The following ATP5PB variants were observed in gnomAD, a reference collection of about 807,000 sequenced individuals.
ATP5PB encodes the protein ATP synthase peripheral stalk subunit b, mitochondrial.
ATP5PB carries 21 observed loss-of-function variants against 34.5 expected under a neutral mutation model. The observed-to-expected ratio is 0.61, with a 90% CI of 0.43 to 0.88. The LOEUF is 0.88. Among genes scored for constraint, ATP5PB ranks in the 40% least tolerant of loss-of-function variants. ATP5PB has a pLI of 0.00. For missense variants in ATP5PB, 293 were observed against 317.4 expected (o/e 0.92, Z 0.58); for synonymous variants, 108 against 114.1 (o/e 0.95, Z 0.34).
At chr1:111,449,748 T>C in intron 1 of ATP5PB, 89 bp from the exon 2 acceptor site, 2 of 1,594,688 alleles carry the variant, frequency 1.3e-6, no homozygotes, top group African/African-American at 2.7e-5. Context: ...GAGGGGTACA[T>C]AGGCTTAGTG....
Position 111,456,736 on chromosome 1 carries a change from A to G in ATP5PB, c.494A>G (p.Tyr165Cys). The G allele has an allele frequency of 6.2e-7, 1 of 1,610,976 alleles. No homozygotes were observed. Among genetic ancestry groups the G allele is most frequent in the Non-Finnish European group, 8.5e-7 (1 of 1,178,854 alleles). The change falls in exon 5 of 7, where the codon TAC becomes TGC. Residue 165 changes from tyrosine to cysteine, a missense_variant. Coordinates refer to ENST00000369722, the MANE Select transcript of ATP5PB (RefSeq NM_001688.5). The part of the protein sequence containing the change: ...SQQALVQKRH[Y>C]LFDVQRNNIA... ...CAGGCACTGGTTCAGAAGCGCCATT[A>G]CCTTTTTGATGTGCAAAGGGTAGGT...
At chr1:111,457,030 T>G (rs1392061299) in intron 5 of ATP5PB, among the ~76,000 whole-genome samples, 1 of 126,896 alleles carries the variant, frequency 7.9e-6, no homozygotes, top group East Asian at 2.3e-4. Context: ...TAAAGCTGAT[T>G]TAAAAATGGC....
intron 2 of ATP5PB, among the ~76,000 whole-genome samples, chr1:111,450,941 C>T (rs1488696644): frequency 6.6e-6 from 1 of 152,224 alleles, no homozygotes; most frequent in African/African-American, 2.4e-5. Flanking sequence ...ATGTCCAGTA[C>T]CTCAGCAAGG....
At position 111,460,938 on chromosome 1, in the gene ATP5PB, T is replaced by G. The variant is rs769241043; in HGVS notation, c.715T>G (p.Cys239Gly). The G allele has an allele frequency of 7.4e-6, 12 of 1,613,362 alleles. No homozygotes were observed. Residue 239 changes from cysteine to glycine, a missense_variant, in exon 7 of 7, where the codon TGC (cysteine) becomes GGC (glycine). By Grantham distance (159) the Cys-to-Gly change is radical (BLOSUM62 -3). Coordinates refer to ENST00000369722, the MANE Select transcript of ATP5PB (RefSeq NM_001688.5). ...ACAGGAAAAGGAGACAATTGCCAAG[T>G]GCATTGCGGACCTAAAGCTGCTGGC... Reference protein sequence around the residue: ...TQQEKETIAKCIADLKLLAKK... With the variant: ...TQQEKETIAKGIADLKLLAKK...
intron 5 of ATP5PB, among the ~76,000 whole-genome samples, chr1:111,457,167 G>T (rs1258616358): frequency 6.6e-6 from 1 of 152,136 alleles, no homozygotes; most frequent in Non-Finnish European, 1.5e-5. Context: ...CACAAAGCAG[G>T]CAGGGCACAG....
chr1:111,460,484 C>A (rs1207745220), intron 6 of ATP5PB, among the ~76,000 whole-genome samples: 3 of 146,892 alleles, frequency 2.0e-5, no homozygotes, highest in Admixed American at 6.8e-5. Context: ...AATATATATG[C>A]TTACTTAAGA....
At chr1:111,458,039 T>G (rs1571378054) in intron 5 of ATP5PB, among the ~76,000 whole-genome samples, 1 of 152,234 alleles carries the variant, frequency 6.6e-6, no homozygotes, top group South Asian at 2.1e-4. Context: ...TCTTCCTGTG[T>G]AGATATTCTG....
Position 111,449,524 on chromosome 1 carries a change from C to G in ATP5PB, c.-18C>G. On this transcript the variant is annotated 5_prime_UTR_variant, in exon 1 of 7. Transcript: ENST00000369722. ...GGTCACAGGGACGCTAAGATTGCTACCTGGACTTTCGTTGACCATGCTGTC... is the reference window on the plus strand; with the variant it reads ...GGTCACAGGGACGCTAAGATTGCTAGCTGGACTTTCGTTGACCATGCTGTC... 3 of 1,614,032 alleles carry G rather than the reference C, an allele frequency of 1.9e-6. No individual in the cohort carries two copies. The highest frequency in any genetic ancestry group is 2.2e-5 in the East Asian group (1 of 44,876).
chr1:111,457,125 G>A (rs542341823), intron 5 of ATP5PB, among the ~76,000 whole-genome samples: 1 of 152,268 alleles, frequency 6.6e-6, no homozygotes, highest in South Asian at 2.1e-4. Flanking sequence ...CATCTTTGCT[G>A]TAAGGAAATC....
chr1:111,460,629 A>G (rs1653594503), intron 6 of ATP5PB, among the ~76,000 whole-genome samples: 1 of 152,218 alleles, frequency 6.6e-6, no homozygotes, highest in Non-Finnish European at 1.5e-5. Flanking sequence ...CATCAGTGGC[A>G]GATGGTTACA....
chr1:111,451,400 C>A (rs1265176949), intron 2 of ATP5PB, among the ~76,000 whole-genome samples: 1 of 152,188 alleles, frequency 6.6e-6, no homozygotes, highest in Non-Finnish European at 1.5e-5. Flanking sequence ...TTGTTGCTCC[C>A]TATCCGCTTA....
In ATP5PB at chr1:111,449,474, C is replaced by A; in HGVS notation, c.-68C>A. 1 of 1,614,194 alleles carries A rather than the reference C, an allele frequency of 6.2e-7. No individual in the cohort carries two copies. Among genetic ancestry groups the A allele is most frequent in the Non-Finnish European group, 8.5e-7 (1 of 1,180,030 alleles). On this transcript the variant is annotated 5_prime_UTR_variant, in exon 1 of 7. It adds an upstream start codon to the 5' untranslated region. Coordinates refer to ENST00000369722, the MANE Select transcript of ATP5PB (RefSeq NM_001688.5). ...AGACTTGTGAGCGGCCATCTTGGTCCTGCCCTGACAGATTCTCCTATCGGG... is the reference window on the plus strand; with the variant it reads ...AGACTTGTGAGCGGCCATCTTGGTCATGCCCTGACAGATTCTCCTATCGGG...
Position 111,461,087 on chromosome 1 carries a change from T to G in ATP5PB, c.*93T>G. The G allele has an allele frequency of 8.4e-7, 1 of 1,197,586 alleles. No homozygotes were observed. Among genetic ancestry groups the G allele is most frequent in the African/African-American group, 1.5e-5 (1 of 65,754 alleles). The allele number at this position is 1,197,586 out of a possible 1,614,324, so 74.2% of individuals were successfully genotyped here. On this transcript the variant is annotated 3_prime_UTR_variant, in exon 7 of 7. Coordinates refer to ENST00000369722, the MANE Select transcript of ATP5PB (RefSeq NM_001688.5). ...AAAGTCTTTCTGTGTTGGTGTCTACTGAAGTTATAGTTTACCCTTCCTAAA... is the reference window on the plus strand; with the variant it reads ...AAAGTCTTTCTGTGTTGGTGTCTACGGAAGTTATAGTTTACCCTTCCTAAA...
intron 2 of ATP5PB, among the ~76,000 whole-genome samples, chr1:111,450,612 G>A (rs151060134): frequency 0.012 from 1,777 of 152,286 alleles, 16 homozygotes; most frequent in Non-Finnish European, 0.018. Flanking sequence ...CGTGTGCTTA[G>A]TAAATTTAGC....
At chr1:111,458,614 T>C (rs370283817) in intron 5 of ATP5PB, among the ~76,000 whole-genome samples, 11 of 144,860 alleles carry the variant, frequency 7.6e-5, no homozygotes, top group African/African-American at 3.2e-4. Flanking sequence ...CTGTGATATA[T>C]AAAGACCTTA....
chr1:111,450,300 C>T (rs1407104174), intron 2 of ATP5PB, among the ~76,000 whole-genome samples: 1 of 151,816 alleles, frequency 6.6e-6, no homozygotes, highest in Non-Finnish European at 1.5e-5. Context: ...TGATAACAAT[C>T]AGAGAAATCA....
intron 2 of ATP5PB, 77 bp downstream of exon 2, chr1:111,449,950 T>TA: frequency 6.3e-7 from 1 of 1,576,836 alleles, no homozygotes; most frequent in South Asian, 1.1e-5. Context: ...CCCACCCCCT[T>TA]AGCTTTAGGT....
Position 111,459,195 on chromosome 1 carries a change from A to T in ATP5PB, c.514-262A>T, listed in dbSNP as rs530980198. Among the ~76,000 whole-genome samples the T allele has an allele frequency of 3.7e-3, 556 of 152,288 alleles. 5 individuals carry two copies. The highest frequency in any genetic ancestry group is 0.013 in the African/African-American group (526 of 41,572). ...ATGGGTATACCTATATTTTTATTAA[A>T]TATTTCTGGGAGGGAATACAAGAAA... On this transcript the variant is annotated intron_variant, in intron 5 of 6. Coordinates refer to ENST00000369722, the MANE Select transcript of ATP5PB (RefSeq NM_001688.5).
chr1:111,459,484 A>G lies in ATP5PB; in HGVS notation c.541A>G (p.Thr181Ala), dbSNP rs781312478. 6.2e-7 allele frequency: 1 copy of G among 1,610,774 alleles called. No individual in the cohort carries two copies. Among genetic ancestry groups the G allele is most frequent in the South Asian group, 1.1e-5 (1 of 90,434 alleles). ...RNNIAMALEV[T>A]YRERLYRVYK... is the part of the protein sequence containing the mutation. Reference sequence around the variant, plus strand: ...TAACATTGCTATGGCTTTGGAAGTTACTTACCGGGAACGACTGTATAGAGT... The same window carrying G: ...TAACATTGCTATGGCTTTGGAAGTTGCTTACCGGGAACGACTGTATAGAGT... Residue 181 changes from threonine to alanine, a missense_variant, in exon 6 of 7, where the codon ACT (threonine) becomes GCT (alanine). Physicochemically the swap from Thr to Ala is moderately conservative, Grantham distance 58. Coordinates refer to ENST00000369722, the MANE Select transcript of ATP5PB (RefSeq NM_001688.5).
Sources: gnomAD v4.1 joint callset for allele counts (sites outside exome capture counted in the v4.1 genomes callset) on GRCh38, gnomAD v4.1.1 for gene constraint, MANE v1.5 for transcripts, NCBI Gene and HGNC (gene_info 2026-07-23, HGNC 2026-07-21) for gene names.